The following TSHZ2 variants were observed in gnomAD, a reference collection of about 807,000 sequenced individuals.
The protein encoded by TSHZ2 is teashirt homolog 2.
Under a neutral mutation model 74.4 loss-of-function variants are expected in TSHZ2, and 21 were observed. The observed-to-expected ratio is 0.28, with a 90% CI of 0.20 to 0.41. TSHZ2 has a LOEUF of 0.41. Ranked by LOEUF, TSHZ2 falls within the 10% of genes least tolerant of loss-of-function variation. The pLI is 1.00. For missense variants in TSHZ2, 1,244 were observed against 1,293.5 expected (o/e 0.96, Z 0.59); for synonymous variants, 540 against 515.3 (o/e 1.05, Z -0.65).
intron 2 of TSHZ2, among the ~76,000 whole-genome samples, chr20:53,329,474 A>G (rs1044831199): frequency 3.9e-5 from 6 of 152,168 alleles, no homozygotes; most frequent in Admixed American, 3.9e-4. Flanking sequence ...TTAACTCCGG[A>G]AAGCCCTGCT....
intron 2 of TSHZ2, chr20:53,421,139 G>A (rs903602735): frequency 3.3e-5 from 5 of 152,324 alleles, no homozygotes; most frequent in African/African-American, 9.6e-5. Context: ...GATTTGGCTG[G>A]AGATGGAGCA....
intron 2 of TSHZ2, among the ~76,000 whole-genome samples, chr20:53,333,155 A>C (rs973672281): frequency 2.0e-5 from 3 of 152,164 alleles, no homozygotes; most frequent in African/African-American, 7.2e-5. Flanking sequence ...AGAGACACCT[A>C]TGTTGTGGAT....
At chr20:53,439,718 T>C (rs949183407) in intron 2 of TSHZ2, among the ~76,000 whole-genome samples, 1 of 152,228 alleles carries the variant, frequency 6.6e-6, no homozygotes, top group Non-Finnish European at 1.5e-5. Flanking sequence ...GTCTGTTCTT[T>C]TAATTCCAAG....
intron 1 of TSHZ2, among the ~76,000 whole-genome samples, chr20:52,975,075 C>T (rs527748226): frequency 2.6e-5 from 4 of 152,236 alleles, no homozygotes; most frequent in South Asian, 2.1e-4. Context: ...AATCTGACAG[C>T]GTGTGGATGT....
chr20:53,055,064 T>C (rs1488595769), intron 1 of TSHZ2, among the ~76,000 whole-genome samples: 2 of 152,198 alleles, frequency 1.3e-5, no homozygotes, highest in Non-Finnish European at 2.9e-5. Context: ...ATCTGAAGGC[T>C]GAACTTGATC....
At chr20:53,193,350 C>T (rs1988786430) in intron 1 of TSHZ2, among the ~76,000 whole-genome samples, 1 of 152,156 alleles carries the variant, frequency 6.6e-6, no homozygotes, top group Admixed American at 6.5e-5. Context: ...AGACACATTG[C>T]CGTTCGCAAT....
At chr20:53,285,292 TCTC>T (rs1179570484) in intron 2 of TSHZ2, among the ~76,000 whole-genome samples, 3 of 152,188 alleles carry the variant, frequency 2.0e-5, no homozygotes, top group African/African-American at 7.2e-5. Flanking sequence ...AGGAGTCTCT[TCTC>T]CTGAGGATCC....
intron 2 of TSHZ2, among the ~76,000 whole-genome samples, chr20:53,425,681 A>G (rs1010070997): frequency 6.6e-6 from 1 of 152,232 alleles, no homozygotes; most frequent in African/African-American, 2.4e-5. Flanking sequence ...CTCTGCCATT[A>G]TAGCATGAAA....
Position 53,493,173 on chromosome 20 carries a change from T to C in TSHZ2, c.*6038T>C, listed in dbSNP as rs1203853887. On this transcript the variant is annotated 3_prime_UTR_variant, in exon 3 of 3. Transcript: ENST00000371497. ...ATTTTGTTATATTTGCTTGTTTCTG[T>C]TTCCTACCAAACTGGCCCACAATGG... 1 of 152,258 alleles carries C rather than the reference T, an allele frequency of 6.6e-6. No homozygotes were observed. Among genetic ancestry groups the C allele is most frequent in the African/African-American group, 2.4e-5 (1 of 41,470 alleles). The allele number at this position is 152,258 out of a possible 1,614,324, so 9.4% of individuals were successfully genotyped here.
chr20:53,059,056 T>C (rs1161202889), intron 1 of TSHZ2, among the ~76,000 whole-genome samples: 2 of 152,214 alleles, frequency 1.3e-5, no homozygotes, highest in Non-Finnish European at 2.9e-5. Context: ...CAAGGAAATG[T>C]ACTAAACATT....
At chr20:53,065,193 G>A (rs772744983) in intron 1 of TSHZ2, among the ~76,000 whole-genome samples, 6 of 152,208 alleles carry the variant, frequency 3.9e-5, no homozygotes, top group Non-Finnish European at 5.9e-5. Context: ...GATAATGCGT[G>A]AAGAGCTGTT....
intron 2 of TSHZ2, among the ~76,000 whole-genome samples, chr20:53,265,533 C>G (rs1990696186): frequency 6.6e-6 from 1 of 152,180 alleles, no homozygotes; most frequent in Non-Finnish European, 1.5e-5. Context: ...CGTGGGGGCT[C>G]AGCCCACCTC....
At chr20:53,482,974 A>G (rs1464698829) in intron 2 of TSHZ2, among the ~76,000 whole-genome samples, 1 of 152,248 alleles carries the variant, frequency 6.6e-6, no homozygotes, top group African/African-American at 2.4e-5. Context: ...AAGTGGTCCA[A>G]GATTCAGATC....
chr20:53,332,204 G>T (rs534907049), intron 2 of TSHZ2, among the ~76,000 whole-genome samples: 42 of 152,156 alleles, frequency 2.8e-4, no homozygotes, highest in Non-Finnish European at 4.9e-4. Context: ...AAATCATCAT[G>T]ACTGAGCTAA....
intron 1 of TSHZ2, among the ~76,000 whole-genome samples, chr20:53,090,778 G>A (rs1488400491): frequency 6.6e-6 from 1 of 152,172 alleles, no homozygotes; most frequent in Admixed American, 6.5e-5. Flanking sequence ...CTGGTTTGAG[G>A]TAATAAGTCA....
intron 2 of TSHZ2, among the ~76,000 whole-genome samples, chr20:53,297,254 T>TG (rs1991396040): frequency 6.6e-6 from 1 of 150,458 alleles, no homozygotes; most frequent in African/African-American, 2.5e-5. Context: ...GAATCTTTTT[T>TG]TTTTTTTTTT....
intron 1 of TSHZ2, among the ~76,000 whole-genome samples, chr20:53,149,922 C>A (rs1403234911): frequency 6.6e-6 from 1 of 152,220 alleles, no homozygotes; most frequent in Non-Finnish European, 1.5e-5. Context: ...CCAAATGGAT[C>A]TCCAGGGATC....
intron 1 of TSHZ2, among the ~76,000 whole-genome samples, chr20:53,012,511 A>G (rs538484590): frequency 6.6e-6 from 1 of 152,300 alleles, no homozygotes; most frequent in East Asian, 1.9e-4. Flanking sequence ...AAGCTTGGGA[A>G]GTTTAGGTGT....
At chr20:53,359,176 T>C (rs1015718876) in intron 2 of TSHZ2, among the ~76,000 whole-genome samples, 3 of 152,216 alleles carry the variant, frequency 2.0e-5, no homozygotes, top group Non-Finnish European at 4.4e-5. Flanking sequence ...AACAACTTTA[T>C]GAATTAGGAG....
Sources: gnomAD v4.1 joint callset for allele counts (sites outside exome capture counted in the v4.1 genomes callset) on GRCh38, gnomAD v4.1.1 for gene constraint, MANE v1.5 for transcripts, NCBI Gene and HGNC (gene_info 2026-07-23, HGNC 2026-07-21) for gene names.